Variants in PLIN3 observed in about 807,000 individuals in gnomAD.
PLIN3 encodes the protein perilipin 3.
A neutral mutation model predicts 35.9 loss-of-function variants in PLIN3; 30 were observed. The observed-to-expected ratio is 0.84, with a 90% confidence interval of 0.62 to 1.13. The LOEUF (loss-of-function observed/expected upper bound fraction) is 1.13, where lower values mean the gene tolerates loss of function less well. Ranked by LOEUF, PLIN3 falls within the 50% of genes most tolerant of loss-of-function variation. The probability of loss-of-function intolerance (pLI) is 0.00; values close to 1 mark genes in which losing one functional copy is unlikely to be tolerated. For synonymous variants in PLIN3, 261 were observed against 262.5 expected (o/e 0.99, Z 0.06); for missense variants, 603 against 596.9 (o/e 1.01, Z -0.11).
chr19:4,863,618 A>G (rs1259939591), intron 1 of PLIN3, among the ~76,000 whole-genome samples: 4 of 151,884 alleles, frequency 2.6e-5, no homozygotes, highest in African/African-American at 7.3e-5. Flanking sequence ...CAGGAGGTGG[A>G]GACCAGCCTG....
chr19:4,839,267 C>T lies in PLIN3; in HGVS notation c.1230G>A (p.Gln410=), dbSNP rs1363816123. Residue 410 remains glutamine, a synonymous_variant, in exon 8 of 8, where the codon CAG becomes CAA. Coordinates refer to ENST00000221957, the MANE Select transcript of PLIN3 (RefSeq NM_005817.5). ...ALDHMVEYVA[Q]NTPVTWLVGP... Reference sequence around the variant, plus strand: ...CCACGAGCCACGTGACAGGTGTGTTCTGGGCCACATATTCCACCATGTGGT... The same window carrying T: ...CCACGAGCCACGTGACAGGTGTGTTTTGGGCCACATATTCCACCATGTGGT... The T allele has an allele frequency of 1.2e-6, 2 of 1,614,072 alleles. No homozygotes were observed. The highest frequency in any genetic ancestry group is 1.7e-6 in the Non-Finnish European group (2 of 1,180,016).
chr19:4,859,821 C>T lies in PLIN3; in HGVS notation c.265+5G>A. 1.9e-6 allele frequency: 3 copies of T among 1,613,156 alleles called. No homozygotes were observed. Among genetic ancestry groups the T allele is most frequent in the Non-Finnish European group, 2.5e-6 (3 of 1,179,874 alleles). On this transcript the variant is annotated splice_donor_5th_base_variant and intron_variant, in intron 3 of 7. Coordinates refer to ENST00000221957, the MANE Select transcript of PLIN3 (RefSeq NM_005817.5). ...GAATTCAGTGCCCCCTGGGACTTCACCCACTCTGGGGCTCCAGCTTGGAGA... is the reference window on the plus strand; with the variant it reads ...GAATTCAGTGCCCCCTGGGACTTCATCCACTCTGGGGCTCCAGCTTGGAGA...
At chr19:4,841,338 G>C (rs537483067) in intron 7 of PLIN3, among the ~76,000 whole-genome samples, 1 of 152,228 alleles carries the variant, frequency 6.6e-6, no homozygotes, top group Admixed American at 6.5e-5. Context: ...AGGACGTCAC[G>C]CTCAGCGCGA....
At chr19:4,856,078 C>T (rs1599170012) in intron 4 of PLIN3, among the ~76,000 whole-genome samples, 1 of 152,198 alleles carries the variant, frequency 6.6e-6, no homozygotes, top group African/African-American at 2.4e-5. Context: ...GATGAATAAG[C>T]TGCCTGTCCC....
chr19:4,863,972 G>A (rs1344377115), intron 1 of PLIN3, among the ~76,000 whole-genome samples: 1 of 151,968 alleles, frequency 6.6e-6, no homozygotes, highest in African/African-American at 2.4e-5. Context: ...CCGCTCTGTC[G>A]CCCAGGCTGC....
chr19:4,843,244 C>A (rs567194659), intron 7 of PLIN3, among the ~76,000 whole-genome samples: 1 of 151,448 alleles, frequency 6.6e-6, no homozygotes, highest in Admixed American at 6.6e-5. Flanking sequence ...CGGTGGCTCA[C>A]GCCTGTAATC....
chr19:4,844,365 C>T (rs1446206510), intron 7 of PLIN3, among the ~76,000 whole-genome samples: 1 of 152,022 alleles, frequency 6.6e-6, no homozygotes, highest in East Asian at 1.9e-4. Flanking sequence ...ACTAGGGAGG[C>T]TGAGGCAGGA....
At position 4,852,202 on chromosome 19, in the gene PLIN3, C is replaced by T; in HGVS notation, c.448G>A (p.Ala150Thr). ...KDTVATQLSE[A>T]VDATRGAVQS... Reference sequence around the variant, plus strand: ...ACAGCACCGCGGGTCGCGTCCACCGCCTCCGACAATTGGGTGGCCACCGTG... The same window carrying T: ...ACAGCACCGCGGGTCGCGTCCACCGTCTCCGACAATTGGGTGGCCACCGTG... The change falls in exon 5 of 8, where the codon GCG (alanine) becomes ACG (threonine). Residue 150 changes from alanine (A) to threonine (T), a missense_variant. Coordinates refer to ENST00000221957, the MANE Select transcript of PLIN3 (RefSeq NM_005817.5). The T allele has an allele frequency of 6.2e-7, 1 of 1,612,772 alleles. No individual in the cohort carries two copies. Among genetic ancestry groups the T allele is most frequent in the South Asian group, 1.1e-5 (1 of 91,082 alleles).
chr19:4,860,207 T>C (rs976262419), intron 2 of PLIN3, among the ~76,000 whole-genome samples, 183 bp from the exon 3 acceptor site: 6 of 151,950 alleles, frequency 3.9e-5, no homozygotes, highest in African/African-American at 1.5e-4. Flanking sequence ...GTGCTTCCTT[T>C]ATTTTTATTT....
chr19:4,861,560 C>T (rs1171526645), intron 1 of PLIN3, 149 bp from the exon 2 acceptor site: 1 of 594,840 alleles, frequency 1.7e-6, no homozygotes, highest in African/African-American at 1.9e-5. Context: ...CAAGAGTGAC[C>T]TCTGGACTTT....
intron 5 of PLIN3, among the ~76,000 whole-genome samples, chr19:4,849,212 A>G (rs1439227634): frequency 1.3e-5 from 2 of 151,978 alleles, no homozygotes; most frequent in Non-Finnish European, 2.9e-5. Context: ...GACTCAAGCA[A>G]TCTGCTCGCC....
intron 7 of PLIN3, among the ~76,000 whole-genome samples, chr19:4,842,614 A>G (rs1568372479): frequency 6.6e-6 from 1 of 150,464 alleles, no homozygotes; most frequent in Non-Finnish European, 1.5e-5. Context: ...AAAAAAAAAA[A>G]AAAAAAAAAG....
At chr19:4,857,298 C>T (rs979779825) in intron 4 of PLIN3, among the ~76,000 whole-genome samples, 2 of 151,746 alleles carry the variant, frequency 1.3e-5, no homozygotes, top group Non-Finnish European at 2.9e-5. Flanking sequence ...ATTAGCCAGG[C>T]GTGGTGGATG....
At chr19:4,865,545 G>A (rs1459169494) in intron 1 of PLIN3, among the ~76,000 whole-genome samples, 2 of 151,722 alleles carry the variant, frequency 1.3e-5, no homozygotes, top group African/African-American at 2.4e-5. Flanking sequence ...TGCTTTCCTG[G>A]GGAATTCTGG....
chr19:4,845,412 C>A (rs138148542), intron 6 of PLIN3, among the ~76,000 whole-genome samples: 1,673 of 151,926 alleles, frequency 0.011, 11 homozygotes, highest in Non-Finnish European at 0.017. Context: ...GGTGACAGAG[C>A]CAGACTCTAT....
Position 4,839,381 on chromosome 19 carries a change from C to T in PLIN3, c.1116G>A (p.Thr372=), listed in dbSNP as rs548986750. Residue 372 remains threonine, a synonymous_variant, in exon 8 of 8, where the codon ACG becomes ACA. Coordinates refer to ENST00000221957, the MANE Select transcript of PLIN3 (RefSeq NM_005817.5). ...CCTGGAAGGAGTGGATGCTGGAAAA[C>T]GTGGCCTGGAGGTCCTCCACCTGGC... ...ARRQVEDLQA[T]FSSIHSFQDL... is the part of the protein sequence containing the mutation. 21 of 1,613,354 alleles carry T rather than the reference C, an allele frequency of 1.3e-5. No homozygotes were observed. The highest frequency in any genetic ancestry group is 1.6e-4 in the Middle Eastern group (1 of 6,062).
Position 4,838,344 on chromosome 19 carries a change from A to G in PLIN3, c.*848T>C, listed in dbSNP as rs1337045254. 2 of 152,518 alleles carry G rather than the reference A, an allele frequency of 1.3e-5. No homozygotes were observed. The highest frequency in any genetic ancestry group is 2.9e-5 in the Non-Finnish European group (2 of 68,030). The allele number at this position is 152,518 out of a possible 1,614,324, so 9.4% of individuals were successfully genotyped here. ...ACACGTACACACATGGCCTGTATGC[A>G]GTTGTGGGTGAAGTTTATTAAGGCA... On this transcript the variant is annotated 3_prime_UTR_variant, in exon 8 of 8. Coordinates refer to ENST00000221957, the MANE Select transcript of PLIN3 (RefSeq NM_005817.5).
chr19:4,844,538 T>C, intron 7 of PLIN3, 130 bp downstream of exon 7: 2 of 967,454 alleles, frequency 2.1e-6, no homozygotes, highest in Non-Finnish European at 2.9e-6. Flanking sequence ...GAAGGAGGTG[T>C]CATTAGCTTC....
chr19:4,864,297 T>C (rs262564), intron 1 of PLIN3, among the ~76,000 whole-genome samples: 137,674 of 151,512 alleles, frequency 0.91, 62,608 homozygotes, highest in East Asian at 0.93. Flanking sequence ...GGATTACAGG[T>C]GTGCACCACG....
Sources: allele counts gnomAD v4.1 joint callset (sites outside exome capture counted in the v4.1 genomes callset), GRCh38; gene constraint gnomAD v4.1.1; transcripts MANE v1.5; gene names NCBI Gene and HGNC (gene_info 2026-07-23, HGNC 2026-07-21).